YTHDC2: variants seen among roughly 807,000 people sequenced by gnomAD.
YTHDC2 encodes 3'-5' RNA helicase YTHDC2.
YTHDC2 carries 45 observed loss-of-function variants against 174.9 expected under a neutral mutation model. The ratio of observed to expected loss-of-function variants is 0.26; its 90% confidence interval spans 0.20 to 0.33. The LOEUF is 0.33. Among genes scored for constraint, YTHDC2 ranks in the 10% least tolerant of loss-of-function variants. YTHDC2 has a pLI of 1.00. For missense variants in YTHDC2, 1,650 were observed against 1,723.7 expected, an observed-to-expected ratio of 0.96 and a Z score of 0.76; for synonymous variants, 657 against 574.5, an observed-to-expected ratio of 1.14 and a Z score of -2.05.
chr5:113,547,560 T>G (rs1338226768), intron 10 of YTHDC2, among the ~76,000 whole-genome samples: 7 of 152,162 alleles, frequency 4.6e-5, no homozygotes, highest in African/African-American at 7.2e-5. Context: ...GTGGGGGATG[T>G]TGATAATGGG....
rs769453509 is a variant in YTHDC2 at position 113,564,137 on chromosome 5, A to C, written c.2715+6A>C. 1 of 1,592,356 alleles carries C rather than the reference A, an allele frequency of 6.3e-7. No individual in the cohort carries two copies. The highest frequency in any genetic ancestry group is 1.1e-5 in the South Asian group (1 of 88,036). ...CACTTCTCAGAGCATTCCAGGTACT[A>C]TTACTGTCATTTTATTTCTGAAGAC... On this transcript the variant is annotated splice_donor_region_variant and intron_variant, in intron 20 of 29. Transcript: ENST00000161863.
chr5:113,517,297 C>G (rs1423015150), intron 2 of YTHDC2, among the ~76,000 whole-genome samples: 2 of 152,126 alleles, frequency 1.3e-5, no homozygotes, highest in Non-Finnish European at 2.9e-5. Flanking sequence ...TTTGGGTTTA[C>G]TAGTTGCAGG....
chr5:113,529,551 A>G (rs1774511197), intron 4 of YTHDC2, among the ~76,000 whole-genome samples: 1 of 152,198 alleles, frequency 6.6e-6, no homozygotes, highest in Non-Finnish European at 1.5e-5. Flanking sequence ...AAGAATGGAT[A>G]TAATTATTTA....
intron 18 of YTHDC2, among the ~76,000 whole-genome samples, chr5:113,562,975 C>A (rs868312192): frequency 6.6e-6 from 1 of 152,084 alleles, no homozygotes; most frequent in Non-Finnish European, 1.5e-5. Flanking sequence ...TCTTTTTCTC[C>A]AATTTGCACA....
chr5:113,563,623 A>G (rs1777149186), intron 19 of YTHDC2, 131 bp downstream of exon 19: 1 of 1,101,866 alleles, frequency 9.1e-7, no homozygotes, highest in Non-Finnish European at 1.3e-6. Context: ...CAGATAAACT[A>G]ATTTTGTACT....
Position 113,584,357 on chromosome 5 carries a change from A to G in YTHDC2, c.3703A>G (p.Arg1235Gly), listed in dbSNP as rs781082841. ...ACACCCACCTCAGAAGTACAAAGAT[A>G]GAGGAATTTTACATCCTAAACGAGG... is the stretch of plus-strand genomic sequence containing the variant. ...ALHPPQKYKD[R>G]GILHPKRGTE... Residue 1235 changes from arginine to glycine, a missense_variant, in exon 26 of 30, where the codon AGA (arginine) becomes GGA (glycine). This residue lies in a region of YTHDC2 where 913 missense variants were observed against 940.4 expected (regional missense o/e 0.97). Transcript: ENST00000161863. 6.2e-7 allele frequency: 1 copy of G among 1,613,924 alleles called. No individual in the cohort carries two copies. Among genetic ancestry groups the G allele is most frequent in the Non-Finnish European group, 8.5e-7 (1 of 1,179,876 alleles).
At position 113,592,143 on chromosome 5, in the gene YTHDC2, G is replaced by A. The variant is rs758342885; in HGVS notation, c.4177G>A (p.Asp1393Asn). ...ACACCATTTACTCAATCCATGGAAT[G>A]ACAACAAGAAAGTGCAGATAAGCAG... ...FAHHLLNPWN[D>N]NKKVQISRDG... Residue 1393 changes from aspartate (D) to asparagine (N), a missense_variant, in exon 28 of 30, where the codon GAC becomes AAC. Around this residue, in one of 5 missense-constraint regions of YTHDC2, gnomAD observed 913 missense variants for 940.4 expected, o/e 0.97. Coordinates refer to ENST00000161863, the MANE Select transcript of YTHDC2 (RefSeq NM_022828.5). The A allele has an allele frequency of 1.2e-6, 2 of 1,612,412 alleles. No individual in the cohort carries two copies. Among genetic ancestry groups the A allele is most frequent in the Admixed American group, 1.7e-5 (1 of 59,834 alleles).
chr5:113,559,827 G>T (rs181327662), intron 17 of YTHDC2, among the ~76,000 whole-genome samples: 2 of 152,318 alleles, frequency 1.3e-5, no homozygotes, highest in Admixed American at 1.3e-4. Flanking sequence ...TTACCAGTAT[G>T]ATCCTGAACA....
rs72805419 is a variant in YTHDC2, at chr5:113,547,193, G to A, written c.1496-1348G>A. On this transcript the variant is annotated intron_variant, in intron 10 of 29. Transcript: ENST00000161863. The stretch of plus-strand genomic sequence containing the variant: ...TACCCTTCTGCTCAAAATACACACA[G>A]TTTGATGCTGTTCTCCAAGGCCATG... Among the ~76,000 whole-genome samples, 1,071 of 152,250 alleles carry A rather than the reference G, an allele frequency of 7.0e-3. 11 individuals carry two copies. The highest frequency in any genetic ancestry group is 7.2e-3 in the Non-Finnish European group (487 of 68,016).
intron 2 of YTHDC2, 46 bp from the exon 3 acceptor site, chr5:113,524,935 C>G: frequency 7.2e-7 from 1 of 1,397,508 alleles, no homozygotes; most frequent in African/African-American, 1.5e-5. Flanking sequence ...CATATGTGAA[C>G]AAGTTGACTT....
At chr5:113,537,934 T>C (rs1775195020) in intron 7 of YTHDC2, among the ~76,000 whole-genome samples, 1 of 152,152 alleles carries the variant, frequency 6.6e-6, no homozygotes, top group Admixed American at 6.5e-5. Flanking sequence ...TCTGTACATA[T>C]GCTAATCGAA....
At chr5:113,569,090 A>T (rs1777546860) in intron 23 of YTHDC2, among the ~76,000 whole-genome samples, 1 of 152,130 alleles carries the variant, frequency 6.6e-6, no homozygotes, top group Non-Finnish European at 1.5e-5. Context: ...ATTGCATTCC[A>T]GTAATGATCA....
At chr5:113,546,903 C>G (rs759940663) in intron 10 of YTHDC2, among the ~76,000 whole-genome samples, 2 of 152,164 alleles carry the variant, frequency 1.3e-5, no homozygotes, top group Non-Finnish European at 2.9e-5. Context: ...TGTCAACTGT[C>G]CTTCTCAATA....
At chr5:113,574,739 C>A (rs1580623759) in intron 23 of YTHDC2, among the ~76,000 whole-genome samples, 1 of 152,178 alleles carries the variant, frequency 6.6e-6, no homozygotes, top group South Asian at 2.1e-4. Flanking sequence ...ATTCAGCCCC[C>A]TTCCTAGGGA....
Position 113,534,270 on chromosome 5 carries a change from C to T in YTHDC2, c.843-35C>T, listed in dbSNP as rs774766660. ...ATATTTTAGTTACATGAAAAACTTG[C>T]AATTGTGCACTTTGTTTTGCTTTTT... On this transcript the variant is annotated intron_variant, in intron 5 of 29. Coordinates refer to ENST00000161863, the MANE Select transcript of YTHDC2 (RefSeq NM_022828.5). The T allele has an allele frequency of 1.0e-5, 16 of 1,546,050 alleles. No homozygotes were observed. In the Admixed American group the frequency reaches 1.2e-4, roughly 11 times the overall value.
In YTHDC2 at chr5:113,582,981, C is replaced by G. The variant is rs144187947; in HGVS notation, c.3647+1272C>G. ...CACCGTACTTTTTGAAAATATTGTT[C>G]TAGAATTTTCTTGAGCATTAGTTAT... On this transcript the variant is annotated intron_variant, in intron 25 of 29. Coordinates refer to ENST00000161863, the MANE Select transcript of YTHDC2 (RefSeq NM_022828.5). The G allele has an allele frequency of 1.1e-4, 16 of 152,204 alleles. No individual in the cohort carries two copies. The East Asian group carries it at 3.1e-3, about 29-fold the overall frequency. 9.4% of individuals were successfully genotyped at this position (152,204 alleles called of 1,614,324 possible).
Position 113,591,261 on chromosome 5 carries a change from C to A in YTHDC2, c.4029+17C>A. ...CATTTCCAGGTGAGCCACCCTGAAT[C>A]AGTAAAATGGGGTTGTTCTGGCTAT... On this transcript the variant is annotated intron_variant, in intron 27 of 29. Coordinates refer to ENST00000161863, the MANE Select transcript of YTHDC2 (RefSeq NM_022828.5). 1 of 1,612,812 alleles carries A rather than the reference C, an allele frequency of 6.2e-7. No individual in the cohort carries two copies. Among genetic ancestry groups the A allele is most frequent in the South Asian group, 1.1e-5 (1 of 90,958 alleles).
Position 113,526,718 on chromosome 5 carries a change from T to G in YTHDC2, c.608T>G (p.Val203Gly), listed in dbSNP as rs1774264829. 3 of 1,580,270 alleles carry G rather than the reference T, an allele frequency of 1.9e-6. No homozygotes were observed. The highest frequency in any genetic ancestry group is 2.6e-6 in the Non-Finnish European group (3 of 1,162,128). ...GTGTTTGAGAAACAGGAAGAAATTG[T>G]TAAAATAATTAAGGAAAATAAAGTA... is the stretch of plus-strand genomic sequence containing the variant. ...LPVFEKQEEI[V>G]KIIKENKVVL... The change falls in exon 4 of 30, where the codon GTT (valine) becomes GGT (glycine). Residue 203 changes from valine to glycine, a missense_variant. By Grantham distance (109) the Val-to-Gly change is moderately radical. Transcript: ENST00000161863.
At chr5:113,552,418 A>G (rs971436863) in intron 12 of YTHDC2, among the ~76,000 whole-genome samples, 2 of 152,098 alleles carry the variant, frequency 1.3e-5, no homozygotes, top group African/African-American at 4.8e-5. Context: ...TCTATTTTGG[A>G]CATTTTATAT....
Sources: allele counts gnomAD v4.1 joint callset (sites outside exome capture counted in the v4.1 genomes callset), GRCh38; gene constraint gnomAD v4.1.1; regional missense constraint gnomAD v4.1.1; transcripts MANE v1.5; gene names NCBI Gene and HGNC (gene_info 2026-07-23, HGNC 2026-07-21).